The following RPS6KC1 variants were observed in gnomAD, a reference collection of about 807,000 sequenced individuals.
RPS6KC1 encodes inactive ribosomal protein S6 kinase delta-1.
In RPS6KC1, 54 loss-of-function variants were observed where a neutral mutation model predicts 103.8. That is an observed-to-expected ratio of 0.52 (90% CI 0.42 to 0.65). The LOEUF (loss-of-function observed/expected upper bound fraction) is 0.65, where lower values mean the gene tolerates loss of function less well. Among genes scored for constraint, RPS6KC1 ranks in the 30% least tolerant of loss-of-function variants. RPS6KC1 has a pLI of 0.00. For missense variants in RPS6KC1, 1,151 were observed against 1,253.8 expected (o/e 0.92, Z 1.24); for synonymous variants, 439 against 438.7 (o/e 1.00, Z -0.01).
At chr1:213,494,835 A>G in the RPS6KC1 span, among the ~76,000 whole-genome samples, 9 of 152,070 alleles carry the variant, frequency 5.9e-5, no homozygotes, top group African/African-American at 9.6e-5. Flanking sequence ...TGACTATTCC[A>G]GGTAAAACTA....
chr1:213,381,804 C>A, the RPS6KC1 span, among the ~76,000 whole-genome samples: 1 of 152,336 alleles, frequency 6.6e-6, no homozygotes, highest in East Asian at 1.9e-4. Flanking sequence ...CTCTAGCAAC[C>A]GATAGCACCA....
At chr1:213,826,640 A>C in the RPS6KC1 span, among the ~76,000 whole-genome samples, 1 of 152,222 alleles carries the variant, frequency 6.6e-6, no homozygotes, top group Non-Finnish European at 1.5e-5. Flanking sequence ...GCCCCTTCTA[A>C]GGTCAGGGCC....
At chr1:213,169,313 A>G (rs1042592178) in intron 7 of RPS6KC1, among the ~76,000 whole-genome samples, 1 of 152,178 alleles carries the variant, frequency 6.6e-6, no homozygotes, top group Non-Finnish European at 1.5e-5. Context: ...TAAGTGTTTG[A>G]CCATTTCTTA....
the RPS6KC1 span, among the ~76,000 whole-genome samples, chr1:213,366,972 A>T: frequency 6.6e-6 from 1 of 152,244 alleles, no homozygotes; most frequent in Non-Finnish European, 1.5e-5. Flanking sequence ...ATATTTGAAG[A>T]TAGAGGTCGT....
chr1:213,314,949 G>A, the RPS6KC1 span, among the ~76,000 whole-genome samples: 2 of 152,056 alleles, frequency 1.3e-5, no homozygotes, highest in Non-Finnish European at 2.9e-5. Flanking sequence ...GTGCTTCCTT[G>A]CTTGAAAGTG....
the RPS6KC1 span, among the ~76,000 whole-genome samples, chr1:213,622,535 G>A: frequency 2.2e-4 from 34 of 151,898 alleles, no homozygotes; most frequent in African/African-American, 8.0e-4. Flanking sequence ...TGCCCCTCCC[G>A]CTCCAGTGCC....
intron 6 of RPS6KC1, among the ~76,000 whole-genome samples, chr1:213,152,202 T>C (rs1317628995): frequency 2.9e-4 from 32 of 108,656 alleles, no homozygotes; most frequent in East Asian, 6.8e-4. Flanking sequence ...ACCTCCCTCC[T>C]GGACGGGGCG....
the RPS6KC1 span, among the ~76,000 whole-genome samples, chr1:213,496,926 A>G: frequency 3.9e-5 from 6 of 152,248 alleles, no homozygotes; most frequent in African/African-American, 7.2e-5. Flanking sequence ...TGCAAATGCT[A>G]CAAATCAGGG....
rs537045561 is a variant in RPS6KC1, at chr1:213,240,930, A to G, written c.1454A>G (p.Asn485Ser). 1.3e-4 allele frequency: 215 copies of G among 1,613,898 alleles called. 3 individuals are homozygous for G. The South Asian group carries it at 2.1e-3, about 16-fold the overall frequency. The change falls in exon 11 of 15, where the codon AAC becomes AGC. Residue 485 changes from asparagine to serine, a missense_variant. Physicochemically the swap from Asn to Ser is conservative, Grantham distance 46. Transcript: ENST00000366960. ...ACTCCAAGTTCTCAAGATGACAGCA[A>G]CCAGGAAGATGATGGCCAAGATAGC... is the stretch of plus-strand genomic sequence containing the variant. ...SLTPSSQDDS[N>S]QEDDGQDSSP...
the RPS6KC1 span, among the ~76,000 whole-genome samples, chr1:213,549,612 C>CTTTTTTTTTTTTTTTTTTTTTTT: frequency 3.5e-5 from 3 of 86,914 alleles, no homozygotes; most frequent in African/African-American, 4.9e-5. Context: ...TTTTCTTTTC[C>CTTTTTTTTTTTTTTTTTTTTTTT]TTTTTTTTTT....
chr1:213,599,507 C>T, the RPS6KC1 span, among the ~76,000 whole-genome samples: 1 of 151,162 alleles, frequency 6.6e-6, no homozygotes, highest in Non-Finnish European at 1.5e-5. Flanking sequence ...TTTCTTTTTC[C>T]ATATTTCCAA....
chr1:213,444,744 C>CAAAAAAAAA, the RPS6KC1 span, among the ~76,000 whole-genome samples: 6 of 87,488 alleles, frequency 6.9e-5, no homozygotes, highest in South Asian at 4.7e-4. Flanking sequence ...AACTCCAACT[C>CAAAAAAAAA]AAAAAAAAAA....
chr1:213,841,720 T>C, the RPS6KC1 span, among the ~76,000 whole-genome samples: 1 of 152,210 alleles, frequency 6.6e-6, no homozygotes, highest in African/African-American at 2.4e-5. Flanking sequence ...AAACAGTTTC[T>C]TAATGATAAA....
intron 12 of RPS6KC1, among the ~76,000 whole-genome samples, chr1:213,261,035 T>C (rs2094780469): frequency 6.6e-6 from 1 of 152,172 alleles, no homozygotes; most frequent in African/African-American, 2.4e-5. Flanking sequence ...ACTGATTACA[T>C]AGGAAAGGGA....
chr1:213,203,429 A>G (rs535524775), intron 8 of RPS6KC1, among the ~76,000 whole-genome samples: 1 of 152,236 alleles, frequency 6.6e-6, no homozygotes, highest in African/African-American at 2.4e-5. Context: ...TTTCACTGTC[A>G]TTTTAATGTG....
At chr1:213,800,722 C>G in the RPS6KC1 span, among the ~76,000 whole-genome samples, 233 of 152,276 alleles carry the variant, frequency 1.5e-3, 1 homozygote, top group Admixed American at 3.4e-3. Flanking sequence ...TCTTAGCAGA[C>G]ATTAAACAAT....
At chr1:213,124,080 A>G (rs2084702599) in intron 5 of RPS6KC1, among the ~76,000 whole-genome samples, 1 of 152,172 alleles carries the variant, frequency 6.6e-6, no homozygotes, top group Admixed American at 6.6e-5. Context: ...GTGAACTGGG[A>G]TGCTAAATAA....
chr1:213,418,815 G>A, the RPS6KC1 span, among the ~76,000 whole-genome samples: 72 of 152,244 alleles, frequency 4.7e-4, no homozygotes, highest in East Asian at 0.011. Flanking sequence ...CGGGGTGAGC[G>A]TTTTCTAGCC....
At chr1:213,055,866 G>A (rs1361564615) in intron 1 of RPS6KC1, among the ~76,000 whole-genome samples, 1 of 152,164 alleles carries the variant, frequency 6.6e-6, no homozygotes, top group Non-Finnish European at 1.5e-5. Flanking sequence ...GCAGTGCTTT[G>A]TAATTCTCAG....
Sources: gnomAD v4.1 joint callset for allele counts (sites outside exome capture counted in the v4.1 genomes callset) on GRCh38, gnomAD v4.1.1 for gene constraint, MANE v1.5 for transcripts, NCBI Gene and HGNC (gene_info 2026-07-23, HGNC 2026-07-21) for gene names.